CACNG2: variants seen among roughly 807,000 people sequenced by gnomAD.
CACNG2 encodes voltage-dependent calcium channel gamma-2 subunit.
In CACNG2, 3 loss-of-function variants were observed where a neutral mutation model predicts 25.9. That is an observed-to-expected ratio of 0.12 (90% CI 0.05 to 0.30). The LOEUF (loss-of-function observed/expected upper bound fraction) is 0.30. Ranked by LOEUF, CACNG2 falls within the 10% of genes least tolerant of loss-of-function variation. CACNG2 has a pLI of 1.00. For missense variants in CACNG2, 341 were observed against 432.5 expected (o/e 0.79, Z 1.88); for synonymous variants, 167 against 173.3 (o/e 0.96, Z 0.29).
At chr22:36,635,232 T>G (rs1388823916) in intron 1 of CACNG2, among the ~76,000 whole-genome samples, 1 of 145,848 alleles carries the variant, frequency 6.9e-6, no homozygotes, top group Non-Finnish European at 1.5e-5. Context: ...TGCAGTGAGC[T>G]GAGATTGCGC....
intron 1 of CACNG2, among the ~76,000 whole-genome samples, chr22:36,640,050 G>A (rs530784166): frequency 6.6e-6 from 1 of 152,190 alleles, no homozygotes; most frequent in East Asian, 1.9e-4. Context: ...TCAAAAGTGA[G>A]CAGCTCTTCA....
At chr22:36,643,447 A>G (rs1305601737) in intron 1 of CACNG2, among the ~76,000 whole-genome samples, 3 of 150,720 alleles carry the variant, frequency 2.0e-5, no homozygotes, top group Non-Finnish European at 4.4e-5. Context: ...TGGGACTTAC[A>G]TTCTAATGAT....
intron 1 of CACNG2, among the ~76,000 whole-genome samples, chr22:36,685,429 G>A (rs999393201): frequency 6.6e-6 from 1 of 152,056 alleles, no homozygotes; most frequent in African/African-American, 2.4e-5. Context: ...CCCACCTCTG[G>A]CTCCTGTCCT....
rs1937438365 is a variant in CACNG2 at position 36,703,361 on chromosome 22, G to C, written c.-785C>G. ...GGGGTAGTGTTGGCGAAGTGGGGGA[G>C]AGAGGGGGTTTCTCCTGGAGAATCG... On this transcript the variant is annotated 5_prime_UTR_variant, in exon 1 of 4. Coordinates refer to ENST00000300105, the MANE Select transcript of CACNG2 (RefSeq NM_006078.5). 1 of 153,152 alleles carries C rather than the reference G, an allele frequency of 6.5e-6. No homozygotes were observed. Among genetic ancestry groups the C allele is most frequent in the Non-Finnish European group, 1.5e-5 (1 of 68,738 alleles). The allele number at this position is 153,152 out of a possible 1,614,324, so 9.5% of individuals were successfully genotyped here.
Position 36,568,083 on chromosome 22 carries a change from C to A in CACNG2, c.296-1590G>T, listed in dbSNP as rs551611549. ...CAGGCTGGTCTCAAACTCTTGACCT[C>A]ATGATCTGCCCACCTTGGCCTCCCA... On this transcript the variant is annotated intron_variant, in intron 2 of 3. Coordinates refer to ENST00000300105, the MANE Select transcript of CACNG2 (RefSeq NM_006078.5). 6.6e-5 allele frequency among the ~76,000 whole-genome samples: 10 copies of A among 152,228 alleles called. No individual in the cohort carries two copies. The South Asian group carries it at 2.1e-3, about 32-fold the overall frequency.
intron 1 of CACNG2, among the ~76,000 whole-genome samples, chr22:36,656,361 C>T (rs1936705799): frequency 6.6e-6 from 1 of 152,142 alleles, no homozygotes; most frequent in Non-Finnish European, 1.5e-5. Context: ...CAAACGCAGG[C>T]TCATTTTTGA....
chr22:36,582,768 CT>C (rs955427351), intron 2 of CACNG2, among the ~76,000 whole-genome samples: 8 of 151,508 alleles, frequency 5.3e-5, no homozygotes, highest in African/African-American at 1.2e-4. Flanking sequence ...CCCTGCTTGA[CT>C]TTTTTCCCCA....
chr22:36,566,280 AG>A, intron 3 of CACNG2, 72 bp downstream of exon 3: 1 of 1,437,432 alleles, frequency 7.0e-7, no homozygotes, highest in Non-Finnish European at 9.8e-7. Context: ...TCTCTCTGCC[AG>A]GCCCTCGTGG....
At chr22:36,692,039 G>A (rs1169665867) in intron 1 of CACNG2, among the ~76,000 whole-genome samples, 1 of 152,184 alleles carries the variant, frequency 6.6e-6, no homozygotes, top group African/African-American at 2.4e-5. Flanking sequence ...CCTTTAAGCA[G>A]AGAAAATGAG....
At chr22:36,621,444 C>T (rs6000354) in intron 1 of CACNG2, among the ~76,000 whole-genome samples, 7,457 of 152,066 alleles carry the variant, frequency 0.049, 333 homozygotes, top group African/African-American at 0.11. Flanking sequence ...GAGGCACATA[C>T]CTATAAACTC....
chr22:36,590,501 C>G (rs147628474), intron 1 of CACNG2, among the ~76,000 whole-genome samples: 149 of 152,252 alleles, frequency 9.8e-4, no homozygotes, highest in African/African-American at 3.4e-3. Context: ...TCTTCCTCCT[C>G]CCTGCAGGCT....
intron 1 of CACNG2, among the ~76,000 whole-genome samples, chr22:36,656,565 T>C (rs558968777): frequency 2.6e-5 from 4 of 152,290 alleles, no homozygotes; most frequent in African/African-American, 9.6e-5. Flanking sequence ...CCCTACATTG[T>C]GTTCTCTACC....
intron 1 of CACNG2, among the ~76,000 whole-genome samples, chr22:36,638,209 T>C (rs1043929696): frequency 2.6e-5 from 4 of 152,280 alleles, no homozygotes; most frequent in African/African-American, 9.6e-5. Flanking sequence ...TTGGGATGAT[T>C]GCACTGGCCA....
chr22:36,671,297 G>C (rs986171426), intron 1 of CACNG2, among the ~76,000 whole-genome samples: 1 of 152,266 alleles, frequency 6.6e-6, no homozygotes, highest in South Asian at 2.1e-4. Flanking sequence ...TCTCTTTAAG[G>C]TCAGGAATAA....
intron 1 of CACNG2, among the ~76,000 whole-genome samples, chr22:36,653,943 C>T (rs1415918410): frequency 4.9e-5 from 7 of 143,508 alleles, no homozygotes; most frequent in Middle Eastern, 3.6e-3. Flanking sequence ...TTTGCTACTC[C>T]GGTAAGTACA....
At chr22:36,610,306 G>A (rs1385016270) in intron 1 of CACNG2, among the ~76,000 whole-genome samples, 10 of 148,014 alleles carry the variant, frequency 6.8e-5, no homozygotes, top group African/African-American at 1.0e-4. Context: ...CGCTTAGAGC[G>A]TGATTGGGCA....
intron 3 of CACNG2, among the ~76,000 whole-genome samples, chr22:36,566,142 G>C (rs905629314): frequency 6.6e-6 from 1 of 152,220 alleles, no homozygotes; most frequent in Non-Finnish European, 1.5e-5. Context: ...GATGGGGTGT[G>C]GGGATGCTCC....
chr22:36,702,659 A>G lies in CACNG2; in HGVS notation c.-83T>C, dbSNP rs1937425602. 1.1e-6 allele frequency: 1 copy of G among 911,040 alleles called. No homozygotes were observed. Among genetic ancestry groups the G allele is most frequent in the African/African-American group, 1.7e-5 (1 of 60,094 alleles). The allele number at this position is 911,040 out of a possible 1,614,324, so 56.4% of individuals were successfully genotyped here. Reference sequence around the variant, plus strand: ...GGGTGCAAGTACTAAAGCCAAAAAAAATAAATAAAAATAAAAATTATTCCA... The same window carrying G: ...GGGTGCAAGTACTAAAGCCAAAAAAGATAAATAAAAATAAAAATTATTCCA... On this transcript the variant is annotated 5_prime_UTR_variant, in exon 1 of 4. Transcript: ENST00000300105.
chr22:36,672,153 TTTTTTTTC>T (rs1482767643), intron 1 of CACNG2, among the ~76,000 whole-genome samples: 1 of 151,870 alleles, frequency 6.6e-6, no homozygotes, highest in Admixed American at 6.6e-5. Flanking sequence ...GGCTACATTT[TTTTTTTTC>T]TTTTTTTCTT....
Sources: allele counts gnomAD v4.1 joint callset (sites outside exome capture counted in the v4.1 genomes callset), GRCh38; gene constraint gnomAD v4.1.1; transcripts MANE v1.5; gene names NCBI Gene and HGNC (gene_info 2026-07-23, HGNC 2026-07-21).